Variants in HHAT observed in about 807,000 individuals in gnomAD.
HHAT encodes the protein protein-cysteine N-palmitoyltransferase HHAT.
Under a neutral mutation model 70.8 loss-of-function variants are expected in HHAT, and 47 were observed. The ratio of observed to expected loss-of-function variants is 0.66; its 90% CI spans 0.53 to 0.85. The LOEUF is 0.85. HHAT is among the 40% of genes least tolerant of loss of function. HHAT has a pLI of 0.00. For synonymous variants in HHAT, 228 were observed against 247.6 expected, an observed-to-expected ratio of 0.92 and a Z score of 0.74; for missense variants, 609 against 604.8, an observed-to-expected ratio of 1.01 and a Z score of -0.07.
At chr1:210,597,620 G>T (rs1192142577) in intron 10 of HHAT, among the ~76,000 whole-genome samples, 1 of 152,060 alleles carries the variant, frequency 6.6e-6, no homozygotes, top group Admixed American at 6.6e-5. Context: ...ACCACCCCAG[G>T]CTTGTGGCAA....
chr1:210,650,906 C>A (rs1674999045), intron 11 of HHAT, among the ~76,000 whole-genome samples: 1 of 152,174 alleles, frequency 6.6e-6, no homozygotes. Context: ...TAATTTTTAA[C>A]ATATTCTCAT....
chr1:210,404,762 C>CAGACCTAATGCTAG, intron 6 of HHAT, 83 bp downstream of exon 6: 1 of 1,152,874 alleles, frequency 8.7e-7, no homozygotes. Flanking sequence ...ACTCTTGAGT[C>CAGACCTAATGCTAG]GTTTTGTTCA....
intron 8 of HHAT, among the ~76,000 whole-genome samples, chr1:210,497,107 G>C (rs143681894): frequency 6.6e-6 from 1 of 152,104 alleles, no homozygotes; most frequent in Non-Finnish European, 1.5e-5. Flanking sequence ...TGAGCTTATG[G>C]GAAATTCTAC....
intron 6 of HHAT, among the ~76,000 whole-genome samples, chr1:210,411,179 G>C (rs2092540666): frequency 6.6e-6 from 1 of 152,126 alleles, no homozygotes; most frequent in Admixed American, 6.5e-5. Flanking sequence ...TATCTTGGGG[G>C]CTGTTGGTTC....
intron 9 of HHAT, among the ~76,000 whole-genome samples, chr1:210,570,745 G>A (rs1656075563): frequency 6.6e-6 from 1 of 152,196 alleles, no homozygotes; most frequent in Non-Finnish European, 1.5e-5. Flanking sequence ...GATTTGAAGT[G>A]ACTGAGCTGC....
chr1:210,330,643 C>T (rs2084905772), intron 1 of HHAT, among the ~76,000 whole-genome samples: 1 of 152,146 alleles, frequency 6.6e-6, no homozygotes, highest in Admixed American at 6.5e-5. Context: ...AACTTGCGAG[C>T]ATGGGCCTTA....
rs148733060 is a variant in HHAT at position 210,546,997 on chromosome 1, G to A, written c.1043+33809G>A. Among the ~76,000 whole-genome samples the A allele has an allele frequency of 3.0e-3, 450 of 151,248 alleles. 3 individuals are homozygous for A. The highest frequency in any genetic ancestry group is 0.01 in the Middle Eastern group (3 of 294). ...ACCCTTTCAAATGGTCTCAGATGGC[G>A]TTAGTGGTTAGGAGATGGGCTGAAA... On this transcript the variant is annotated intron_variant, in intron 9 of 11. Transcript: ENST00000261458.
At chr1:210,477,438 C>T (rs1371303130) in intron 8 of HHAT, among the ~76,000 whole-genome samples, 1 of 152,120 alleles carries the variant, frequency 6.6e-6, no homozygotes, top group Non-Finnish European at 1.5e-5. Context: ...ATGCCCAGTT[C>T]CTGGTTTCTG....
intron 9 of HHAT, among the ~76,000 whole-genome samples, chr1:210,550,023 C>G (rs1451098284): frequency 6.7e-6 from 1 of 149,108 alleles, no homozygotes; most frequent in Non-Finnish European, 1.5e-5. Context: ...ATCCACTATC[C>G]TCCCCAGGCA....
At chr1:210,410,019 C>G (rs1281871299) in intron 6 of HHAT, among the ~76,000 whole-genome samples, 1 of 151,710 alleles carries the variant, frequency 6.6e-6, no homozygotes, top group Non-Finnish European at 1.5e-5. Flanking sequence ...TATGGTCTGT[C>G]TGTTCTTCCT....
chr1:210,651,775 T>C (rs1352493672), intron 11 of HHAT, among the ~76,000 whole-genome samples: 1 of 152,214 alleles, frequency 6.6e-6, no homozygotes, highest in African/African-American at 2.4e-5. Flanking sequence ...AGCATAGTCA[T>C]AGGGCCTAGA....
chr1:210,532,306 AATGCAG>A (rs1558104659), intron 9 of HHAT, among the ~76,000 whole-genome samples: 1 of 152,198 alleles, frequency 6.6e-6, no homozygotes, highest in Non-Finnish European at 1.5e-5. Context: ...GTTGTAATAA[AATGCAG>A]ATATGTATTG....
intron 8 of HHAT, among the ~76,000 whole-genome samples, chr1:210,502,256 C>T (rs148539128): frequency 0.011 from 1,659 of 151,128 alleles, 30 homozygotes; most frequent in African/African-American, 0.037. Context: ...TGGTGGTGGG[C>T]GCCTGTAGTC....
intron 3 of HHAT, among the ~76,000 whole-genome samples, chr1:210,371,752 A>ATGGT (rs2089591780): frequency 1.3e-5 from 2 of 152,212 alleles, no homozygotes; most frequent in Admixed American, 6.5e-5. Context: ...TAAACTCACC[A>ATGGT]GAGTTTACAC....
intron 2 of HHAT, among the ~76,000 whole-genome samples, chr1:210,351,216 TCAAGCAGTAGC>T (rs1410713185): frequency 6.6e-6 from 1 of 152,170 alleles, no homozygotes; most frequent in Non-Finnish European, 1.5e-5. Flanking sequence ...ATGGTCTAGC[TCAAGCAGTAGC>T]CAGAAATAAG....
At chr1:210,577,904 T>C (rs1011142909) in intron 9 of HHAT, among the ~76,000 whole-genome samples, 2 of 152,018 alleles carry the variant, frequency 1.3e-5, no homozygotes, top group South Asian at 2.1e-4. Context: ...CCTCAGCCTC[T>C]CAAAGTTCTG....
chr1:210,621,158 C>G (rs771432515), intron 10 of HHAT, among the ~76,000 whole-genome samples: 2 of 152,160 alleles, frequency 1.3e-5, no homozygotes, highest in Admixed American at 6.5e-5. Flanking sequence ...GTCTTCCTCT[C>G]TCAGTACCTC....
chr1:210,329,476 A>T (rs2147891681), intron 1 of HHAT: 4 of 1,030,644 alleles, frequency 3.9e-6, no homozygotes, highest in Non-Finnish European at 4.7e-6. Context: ...GACTCCAGGG[A>T]CTCTAAAGTT....
intron 7 of HHAT, among the ~76,000 whole-genome samples, chr1:210,421,310 G>C (rs2092896856): frequency 1.3e-5 from 2 of 152,138 alleles, no homozygotes; most frequent in African/African-American, 2.4e-5. Context: ...TAAAAAAATA[G>C]AGAACCCAGA....
Sources: allele counts gnomAD v4.1 joint callset (sites outside exome capture counted in the v4.1 genomes callset), GRCh38; gene constraint gnomAD v4.1.1; transcripts MANE v1.5; gene names NCBI Gene and HGNC (gene_info 2026-07-23, HGNC 2026-07-21).